Variants in RASA2 observed in about 807,000 individuals in gnomAD.
RASA2 encodes ras GTPase-activating protein 2.
A neutral mutation model predicts 118.2 loss-of-function variants in RASA2; 155 were observed. That is an observed-to-expected ratio of 1.31 (90% CI 1.15 to 1.50). The LOEUF (loss-of-function observed/expected upper bound fraction) is 1.50. Ranked by LOEUF, RASA2 falls within the 40% of genes most tolerant of loss-of-function variation. The probability of loss-of-function intolerance (pLI) is 0.00; values close to 1 mark genes in which losing one functional copy is unlikely to be tolerated. For synonymous variants in RASA2, 353 were observed against 349.1 expected (o/e 1.01, Z -0.12); for missense variants, 1,016 against 1,009.6 (o/e 1.01, Z -0.09).
chr3:141,571,306 C>G, intron 10 of RASA2, 100 bp from the exon 11 acceptor site: 1 of 1,466,562 alleles, frequency 6.8e-7, no homozygotes, highest in Non-Finnish European at 9.2e-7. Flanking sequence ...TGTATAACAG[C>G]TTTAGTGACA....
At chr3:141,572,771 T>C (rs2082945027) in intron 12 of RASA2, 48 bp downstream of exon 12, 1 of 1,361,966 alleles carries the variant, frequency 7.3e-7, no homozygotes, top group South Asian at 1.3e-5. Flanking sequence ...TTATGATAGT[T>C]GTTCTTTTAT....
intron 23 of RASA2, among the ~76,000 whole-genome samples, chr3:141,610,462 ATATATT>A (rs2083630397): frequency 1.8e-5 from 2 of 109,350 alleles, no homozygotes; most frequent in Non-Finnish European, 3.3e-5. Flanking sequence ...ATTTATATTT[ATATATT>A]ATATATATAA....
intron 19 of RASA2, among the ~76,000 whole-genome samples, chr3:141,587,363 T>C (rs971299585): frequency 2.6e-5 from 4 of 152,260 alleles, no homozygotes; most frequent in African/African-American, 9.6e-5. Context: ...TATCCTTCAG[T>C]AGACTGACAC....
intron 1 of RASA2, among the ~76,000 whole-genome samples, chr3:141,506,692 C>G (rs997017961): frequency 2.7e-5 from 4 of 149,908 alleles, no homozygotes; most frequent in African/African-American, 9.7e-5. Flanking sequence ...GCAGGCAGAT[C>G]TCTTGAACCC....
In RASA2 at chr3:141,614,152, GA is replaced by G. The variant is rs2083692235; in HGVS notation, c.*1842del. 6.6e-6 allele frequency: 1 copy of G among 151,714 alleles called. No individual in the cohort carries two copies. The highest frequency in any genetic ancestry group is 6.6e-5 in the Admixed American group (1 of 15,242). The allele number at this position is 151,714 out of a possible 1,614,324, so 9.4% of individuals were successfully genotyped here. A position where few individuals can be genotyped will look rare whatever the true frequency, so the allele number is the denominator to read the frequency against. ...CTCTGCTTTTTTTTTTAAGGCAAAAGAAATATGCATCTAGCATTTCTAATAC... is the reference window on the plus strand; with the variant it reads ...CTCTGCTTTTTTTTTTAAGGCAAAAGAATATGCATCTAGCATTTCTAATAC... On this transcript the variant is annotated 3_prime_UTR_variant, in exon 24 of 24. Transcript: ENST00000286364.
intron 3 of RASA2, among the ~76,000 whole-genome samples, chr3:141,523,785 A>G (rs532579699): frequency 6.6e-6 from 1 of 152,324 alleles, no homozygotes; most frequent in East Asian, 1.9e-4. Context: ...TAGAAATGAA[A>G]GGATTTTACT....
At chr3:141,508,616 C>A (rs1244700650) in intron 1 of RASA2, among the ~76,000 whole-genome samples, 1 of 152,046 alleles carries the variant, frequency 6.6e-6, no homozygotes, top group Non-Finnish European at 1.5e-5. Flanking sequence ...TGTTCTCAAG[C>A]AGTTTGCCCA....
intron 17 of RASA2, among the ~76,000 whole-genome samples, chr3:141,582,556 T>C (rs373736781): frequency 2.0e-5 from 3 of 152,200 alleles, no homozygotes; most frequent in Admixed American, 6.5e-5. Flanking sequence ...ATAATGTCAG[T>C]GGAGAAAGGA....
chr3:141,520,010 T>TC (rs1477633813), intron 3 of RASA2, among the ~76,000 whole-genome samples: 2 of 129,550 alleles, frequency 1.5e-5, no homozygotes, highest in Non-Finnish European at 3.3e-5. Flanking sequence ...TTTCTTTTTC[T>TC]CTTTTTTTTT....
intron 1 of RASA2, among the ~76,000 whole-genome samples, chr3:141,499,545 T>G (rs1015222695): frequency 1.3e-5 from 2 of 152,180 alleles, no homozygotes; most frequent in Non-Finnish European, 2.9e-5. Context: ...ACTACCTCAT[T>G]TTATCATAGT....
Position 141,540,570 on chromosome 3 carries a change from T to C in RASA2, c.488T>C (p.Ile163Thr). The C allele has an allele frequency of 6.2e-7, 1 of 1,612,984 alleles. No homozygotes were observed. Among genetic ancestry groups the C allele is most frequent in the Non-Finnish European group, 8.5e-7 (1 of 1,179,224 alleles). The change falls in exon 5 of 24, where the codon ATA becomes ACA. Residue 163 changes from isoleucine to threonine, a missense_variant. Physicochemically the swap from Ile to Thr is moderately conservative, Grantham distance 89. Around this residue, in one of 2 missense-constraint regions of RASA2, gnomAD observed 896 missense variants for 836.4 expected, o/e 1.07. Coordinates refer to ENST00000286364, the MANE Select transcript of RASA2 (RefSeq NM_006506.5). ...CTTGAATTAAAACTGAATGAACTGA[T>C]AACGGAGAATGGAACTGTATGCCAG... ...VHLELKLNEL[I>T]TENGTVCQQL...
At chr3:141,559,467 T>C (rs1192898968) in intron 8 of RASA2, among the ~76,000 whole-genome samples, 1 of 152,108 alleles carries the variant, frequency 6.6e-6, no homozygotes. Context: ...GGTGTGATGT[T>C]AACAGTGTGT....
At chr3:141,553,427 A>ATT (rs35938493) in intron 5 of RASA2, among the ~76,000 whole-genome samples, 91 of 149,984 alleles carry the variant, frequency 6.1e-4, no homozygotes, top group South Asian at 2.1e-3. Context: ...TCTTATTCTT[A>ATT]TTTTTTTTTT....
chr3:141,610,444 TA>T (rs1462830391), intron 23 of RASA2, among the ~76,000 whole-genome samples: 2 of 105,664 alleles, frequency 1.9e-5, no homozygotes, highest in South Asian at 5.2e-4. Flanking sequence ...TATATTTATA[TA>T]TTATATATTT....
chr3:141,559,840 G>A, intron 8 of RASA2, 54 bp from the exon 9 acceptor site: 6 of 1,427,578 alleles, frequency 4.2e-6, no homozygotes, highest in Non-Finnish European at 5.9e-6. Flanking sequence ...GTTTTGTGGT[G>A]TGAACTCTCT....
intron 18 of RASA2, 51 bp from the exon 19 acceptor site, chr3:141,586,595 G>A (rs1001073827): frequency 2.4e-6 from 3 of 1,272,718 alleles, no homozygotes; most frequent in Non-Finnish European, 3.3e-6. Context: ...CTTTGTTTTG[G>A]ATTAACTTTT....
Position 141,574,170 on chromosome 3 carries a change from A to G in RASA2, c.1483+103A>G, listed in dbSNP as rs929571970. The G allele has an allele frequency of 5.4e-6, 4 of 738,020 alleles. No homozygotes were observed. The South Asian group carries it at 2.0e-4, about 37-fold the overall frequency. The allele number at this position is 738,020 out of a possible 1,614,324, so 45.7% of individuals were successfully genotyped here. A position where few individuals can be genotyped will look rare whatever the true frequency, so the allele number is the denominator to read the frequency against. On this transcript the variant is annotated intron_variant, in intron 14 of 23. Transcript: ENST00000286364. The stretch of plus-strand genomic sequence containing the variant: ...TGTGAGATATTTAAGGTTTTTATTT[A>G]TTTATTTATTTTTATTTTATTTTAT...
chr3:141,582,710 C>A (rs2083134532), intron 17 of RASA2, among the ~76,000 whole-genome samples: 1 of 152,130 alleles, frequency 6.6e-6, no homozygotes, highest in African/African-American at 2.4e-5. Flanking sequence ...GCCCTAATAT[C>A]CTAGTTTCCT....
chr3:141,497,690 C>T (rs950916238), intron 1 of RASA2, among the ~76,000 whole-genome samples: 3 of 147,792 alleles, frequency 2.0e-5, no homozygotes, highest in Admixed American at 6.8e-5. Context: ...GGCAAAACTC[C>T]GTTTCTACAA....
Sources: gnomAD v4.1 joint callset for allele counts (sites outside exome capture counted in the v4.1 genomes callset) on GRCh38, gnomAD v4.1.1 for gene constraint, gnomAD v4.1.1 regional missense constraint, MANE v1.5 for transcripts, NCBI Gene and HGNC (gene_info 2026-07-23, HGNC 2026-07-21) for gene names.